CDH12: variants seen among roughly 807,000 people sequenced by gnomAD.
The protein encoded by CDH12 is cadherin 12.
CDH12 carries 41 observed loss-of-function variants against 74.1 expected under a neutral mutation model. That is an observed-to-expected ratio of 0.55 (90% CI 0.43 to 0.72). CDH12 has a LOEUF of 0.72. Ranked by LOEUF, CDH12 falls within the 30% of genes least tolerant of loss-of-function variation. The pLI is 0.00. For missense variants in CDH12, 945 were observed against 977.2 expected (o/e 0.97, Z 0.44); for synonymous variants, 399 against 355.0 (o/e 1.12, Z -1.39).
chr5:22,680,658 T>C (rs1489854337), intron 1 of CDH12, among the ~76,000 whole-genome samples: 1 of 152,040 alleles, frequency 6.6e-6, no homozygotes, highest in African/African-American at 2.4e-5. Flanking sequence ...TTGTATTATA[T>C]GGATGACTAT....
chr5:22,312,807 T>G (rs1738449805), intron 3 of CDH12, among the ~76,000 whole-genome samples: 1 of 152,210 alleles, frequency 6.6e-6, no homozygotes, highest in Non-Finnish European at 1.5e-5. Flanking sequence ...TATAGTTTCT[T>G]CTCTTTACAT....
At chr5:22,199,420 G>A (rs1750798031) in intron 4 of CDH12, among the ~76,000 whole-genome samples, 1 of 152,020 alleles carries the variant, frequency 6.6e-6, no homozygotes, top group African/African-American at 2.4e-5. Flanking sequence ...TAAGACCAAG[G>A]GTAATGTAAA....
chr5:21,802,993 T>G (rs1472485077), intron 9 of CDH12, among the ~76,000 whole-genome samples: 1 of 152,114 alleles, frequency 6.6e-6, no homozygotes, highest in Non-Finnish European at 1.5e-5. Context: ...ACATGCTAGG[T>G]AGGGCTTAAT....
At chr5:21,913,360 A>T (rs114433206) in intron 6 of CDH12, among the ~76,000 whole-genome samples, 2,170 of 152,176 alleles carry the variant, frequency 0.014, 57 homozygotes, top group African/African-American at 0.047. Flanking sequence ...ATACTTTTAC[A>T]TTTACATTTC....
chr5:22,593,794 T>C (rs1736466058), intron 1 of CDH12, among the ~76,000 whole-genome samples: 1 of 152,208 alleles, frequency 6.6e-6, no homozygotes, highest in South Asian at 2.1e-4. Context: ...TGTTCCTCTT[T>C]ATGCTTCCTG....
chr5:22,532,277 C>G (rs555070500), intron 1 of CDH12, among the ~76,000 whole-genome samples: 4 of 143,422 alleles, frequency 2.8e-5, no homozygotes, highest in African/African-American at 7.8e-5. Context: ...CACGACATGG[C>G]ACATGTGTTA....
At chr5:22,555,334 C>T (rs971533030) in intron 1 of CDH12, among the ~76,000 whole-genome samples, 1 of 151,966 alleles carries the variant, frequency 6.6e-6, no homozygotes, top group Non-Finnish European at 1.5e-5. Flanking sequence ...CTCAATACTT[C>T]CAAACTGAAT....
rs542270598 is a variant in CDH12 at position 22,364,428 on chromosome 5, T to C, written c.-333+40829A>G. On this transcript the variant is annotated intron_variant, in intron 3 of 14. Transcript: ENST00000382254. Reference sequence around the variant, plus strand: ...TTTAATTGTGTGTATCTCCTGGAAATTAACTTACTTAGTTTATGACAGATT... The same window carrying C: ...TTTAATTGTGTGTATCTCCTGGAAACTAACTTACTTAGTTTATGACAGATT... 3.0e-4 allele frequency among the ~76,000 whole-genome samples: 45 copies of C among 152,296 alleles called. 1 individual carries two copies. In the South Asian group the frequency reaches 8.3e-3, roughly 28 times the overall value.
chr5:21,915,017 C>A (rs1754024067), intron 6 of CDH12, among the ~76,000 whole-genome samples: 1 of 152,052 alleles, frequency 6.6e-6, no homozygotes, highest in African/African-American at 2.4e-5. Context: ...CTAGGATTAG[C>A]CAGTGTAGAG....
In CDH12 at chr5:22,510,224, C is replaced by T. The variant is rs192317115; in HGVS notation, c.-522-4860G>A. On this transcript the variant is annotated intron_variant, in intron 1 of 14. Transcript: ENST00000382254. ...TAACAAACAAATTTGACCAAAAATG[C>T]TTTCTCTCTATATATTACTCTAGAG... Among the ~76,000 whole-genome samples the T allele has an allele frequency of 1.4e-3, 217 of 152,150 alleles. 3 individuals are homozygous for T. The highest frequency in any genetic ancestry group is 2.9e-3 in the Admixed American group (45 of 15,274).
intron 3 of CDH12, among the ~76,000 whole-genome samples, chr5:22,263,706 C>G (rs1443757179): frequency 6.6e-6 from 1 of 151,980 alleles, no homozygotes; most frequent in Non-Finnish European, 1.5e-5. Context: ...AAATCATAAT[C>G]ATAATAACTG....
intron 4 of CDH12, among the ~76,000 whole-genome samples, chr5:22,177,924 C>A (rs1359136584): frequency 6.6e-6 from 1 of 152,128 alleles, no homozygotes; most frequent in African/African-American, 2.4e-5. Flanking sequence ...TAATTCCAAT[C>A]ATAAAATAAC....
At chr5:22,599,516 T>C (rs1402391956) in intron 1 of CDH12, among the ~76,000 whole-genome samples, 1 of 152,132 alleles carries the variant, frequency 6.6e-6, no homozygotes, top group East Asian at 1.9e-4. Context: ...TTGCCTACAG[T>C]TCTTATCATT....
intron 5 of CDH12, among the ~76,000 whole-genome samples, chr5:22,021,756 C>A (rs369420930): frequency 6.6e-6 from 1 of 152,162 alleles, no homozygotes; most frequent in Non-Finnish European, 1.5e-5. Flanking sequence ...ATTGTGTTGG[C>A]TTGATCAATC....
chr5:22,227,260 A>G (rs1752227562), intron 3 of CDH12, among the ~76,000 whole-genome samples: 1 of 152,106 alleles, frequency 6.6e-6, no homozygotes, highest in African/African-American at 2.4e-5. Context: ...GTGTTCTACC[A>G]TAATGAAGGA....
chr5:21,764,279 C>A (rs1486168324), intron 12 of CDH12, among the ~76,000 whole-genome samples: 1 of 151,896 alleles, frequency 6.6e-6, no homozygotes, highest in East Asian at 1.9e-4. Context: ...GAGGCTGAGG[C>A]ACAAAAATCG....
intron 4 of CDH12, among the ~76,000 whole-genome samples, chr5:22,175,312 C>T (rs1397897805): frequency 6.6e-6 from 1 of 151,374 alleles, no homozygotes; most frequent in African/African-American, 2.4e-5. Flanking sequence ...AAATAGTAAA[C>T]CATCTATCCA....
Position 21,802,216 on chromosome 5 carries a change from T to G in CDH12, c.1207A>C (p.Ile403Leu). 6.2e-7 allele frequency: 1 copy of G among 1,613,920 alleles called. No homozygotes were observed. Residue 403 changes from isoleucine to leucine, a missense_variant, in exon 10 of 15, where the codon ATT (isoleucine) becomes CTT (leucine). By Grantham distance (5) the Ile-to-Leu change is conservative. Transcript: ENST00000382254. ...AGGTCTTGAGCAGTGACAGCGCCAA[T>G]GATGGTCCCTACCGGAGTGTCTTCA... is the stretch of plus-strand genomic sequence containing the variant. Reference protein sequence around the residue: ...VYEDTPVGTIIGAVTAQDLDV... With the variant: ...VYEDTPVGTILGAVTAQDLDV...
chr5:22,534,864 T>C (rs1431709204), intron 1 of CDH12, among the ~76,000 whole-genome samples: 3 of 151,406 alleles, frequency 2.0e-5, no homozygotes, highest in Admixed American at 1.3e-4. Flanking sequence ...AACCATAACA[T>C]AGTAAACTCT....
Sources: allele counts gnomAD v4.1 joint callset (sites outside exome capture counted in the v4.1 genomes callset), GRCh38; gene constraint gnomAD v4.1.1; transcripts MANE v1.5; gene names NCBI Gene and HGNC (gene_info 2026-07-23, HGNC 2026-07-21).